GRIP1: variants seen among roughly 807,000 people sequenced by gnomAD.
The protein encoded by GRIP1 is glutamate receptor-interacting protein 1.
A neutral mutation model predicts 129.9 loss-of-function variants in GRIP1; 45 were observed. The observed-to-expected ratio is 0.35, with a 90% CI of 0.27 to 0.44. GRIP1 has a LOEUF of 0.44. GRIP1 is among the 20% of genes least tolerant of loss of function. GRIP1 has a pLI of 1.00. For missense variants in GRIP1, 1,196 were observed against 1,396.8 expected, an observed-to-expected ratio of 0.86 and a Z score of 2.29; for synonymous variants, 530 against 520.8, an observed-to-expected ratio of 1.02 and a Z score of -0.24.
At chr12:66,529,783 C>A (rs754856081) in intron 5 of GRIP1, 48 bp downstream of exon 5, 2 of 1,004,970 alleles carry the variant, frequency 2.0e-6, no homozygotes, top group Middle Eastern at 2.0e-4. Flanking sequence ...TCTCTGAAAA[C>A]CTATGGAAAT....
At chr12:66,564,778 T>C (rs934815082) in intron 2 of GRIP1, among the ~76,000 whole-genome samples, 1 of 152,208 alleles carries the variant, frequency 6.6e-6, no homozygotes, top group African/African-American at 2.4e-5. Context: ...CCACATCCTC[T>C]CCAGCACCTG....
rs1409904147 is a variant in GRIP1 at position 66,462,952 on chromosome 12, G to C, written c.1014C>G (p.Thr338=). The change falls in exon 9 of 25, where the codon ACC becomes ACG. Residue 338 remains threonine, a synonymous_variant. Coordinates refer to ENST00000359742, the MANE Select transcript of GRIP1 (RefSeq NM_001366722.1). ...VKLEILPHHQ[T]RLALKGPDHV... ...GGTCGGGCCCCTTTAGGGCCAGCCGGGTCTGATGATGGGGAAGGATCTCAA... is the reference window on the plus strand; with the variant it reads ...GGTCGGGCCCCTTTAGGGCCAGCCGCGTCTGATGATGGGGAAGGATCTCAA... 2 of 1,613,904 alleles carry C rather than the reference G, an allele frequency of 1.2e-6. No homozygotes were observed. The highest frequency in any genetic ancestry group is 1.3e-5 in the African/African-American group (1 of 74,930).
chr12:67,040,631 T>C (rs2043163070), intron 1 of GRIP1, among the ~76,000 whole-genome samples: 1 of 152,194 alleles, frequency 6.6e-6, no homozygotes, highest in African/African-American at 2.4e-5. Flanking sequence ...TGACCTTGAG[T>C]GGGTAACAAA....
In GRIP1 at chr12:66,415,089, C is replaced by T. The variant is rs187982004; in HGVS notation, c.1838+5631G>A. On this transcript the variant is annotated intron_variant, in intron 15 of 24. Transcript: ENST00000359742. ...ATAGGCACAGGCAAAGATTTCATGA[C>T]GAAAATGCCAAAGGAAAATGGCAAC... 6.0e-3 allele frequency among the ~76,000 whole-genome samples: 909 copies of T among 151,876 alleles called. 5 individuals are homozygous for T. Among genetic ancestry groups the T allele is most frequent in the Non-Finnish European group, 0.01 (699 of 67,942 alleles).
At chr12:66,377,638 CT>C (rs3045282) in intron 20 of GRIP1, among the ~76,000 whole-genome samples, 45,944 of 124,466 alleles carry the variant, frequency 0.37, 7,490 homozygotes, top group East Asian at 0.47. Context: ...CGCACCCGGC[CT>C]TTTTTTTTTT....
intron 7 of GRIP1, among the ~76,000 whole-genome samples, chr12:66,495,708 TA>T (rs575734285): frequency 7.2e-5 from 11 of 152,176 alleles, no homozygotes; most frequent in Middle Eastern, 3.4e-3. Flanking sequence ...GCTCCTGCTC[TA>T]ATTTTGTTTG....
intron 1 of GRIP1, among the ~76,000 whole-genome samples, chr12:66,786,084 C>CA (rs1188694707): frequency 6.6e-6 from 1 of 151,586 alleles, no homozygotes; most frequent in African/African-American, 2.4e-5. Flanking sequence ...TCCTGTCACA[C>CA]AAAAAAATAA....
At chr12:67,023,699 C>T (rs1157149887) in intron 1 of GRIP1, among the ~76,000 whole-genome samples, 1 of 152,000 alleles carries the variant, frequency 6.6e-6, no homozygotes, top group Non-Finnish European at 1.5e-5. Context: ...ATAGATTAAG[C>T]AGTGGAATCC....
At chr12:66,825,480 G>A (rs1227241851) in intron 1 of GRIP1, among the ~76,000 whole-genome samples, 1 of 152,168 alleles carries the variant, frequency 6.6e-6, no homozygotes, top group Non-Finnish European at 1.5e-5. Context: ...GGATTAGTAA[G>A]TATAAAATCT....
Position 66,703,263 on chromosome 12 carries a change from T to C in GRIP1, c.-419-72927A>G, listed in dbSNP as rs538419300. ...GTGTGCATGCACGCACATGTGCACA[T>C]GCAGCAGGGAGAGTGGAATTAAGGT... On this transcript the variant is annotated intron_variant, in intron 1 of 4. Coordinates refer to the GRIP1 transcript ENST00000538373. Among the ~76,000 whole-genome samples the C allele has an allele frequency of 9.0e-4, 137 of 152,280 alleles. 1 individual carries two copies. Among genetic ancestry groups the C allele is most frequent in the Non-Finnish European group, 1.2e-3 (85 of 68,028 alleles).
chr12:66,408,818 G>A lies in GRIP1; in HGVS notation c.1839-2390C>T, dbSNP rs185570040. Among the ~76,000 whole-genome samples the A allele has an allele frequency of 2.8e-4, 43 of 152,152 alleles. No homozygotes were observed. The South Asian group carries it at 4.8e-3, about 17-fold the overall frequency. Reference sequence around the variant, plus strand: ...CCCATCGCCTTGAAAGAAGAGTCCCGGCCCTGGCAGCATTCGCCACAAGCT... The same window carrying A: ...CCCATCGCCTTGAAAGAAGAGTCCCAGCCCTGGCAGCATTCGCCACAAGCT... On this transcript the variant is annotated intron_variant, in intron 15 of 24. Coordinates refer to ENST00000359742, the MANE Select transcript of GRIP1 (RefSeq NM_001366722.1).
intron 1 of GRIP1, among the ~76,000 whole-genome samples, chr12:66,690,371 TACAC>T (rs112206335): frequency 7.5e-4 from 111 of 147,884 alleles, no homozygotes; most frequent in African/African-American, 2.5e-3. Context: ...TCAATAATAT[TACAC>T]ACACACACAC....
intron 6 of GRIP1, among the ~76,000 whole-genome samples, chr12:66,516,513 C>T (rs2060848543): frequency 6.6e-6 from 1 of 152,118 alleles, no homozygotes. Context: ...AAATGTTTCA[C>T]CTAGTTCACT....
At chr12:66,908,517 T>C (rs1163330970) in intron 1 of GRIP1, among the ~76,000 whole-genome samples, 3 of 152,160 alleles carry the variant, frequency 2.0e-5, no homozygotes, top group Non-Finnish European at 4.4e-5. Context: ...TTCAGAATGG[T>C]AATGGGGTAG....
At chr12:66,873,349 T>TGTTCC (rs2040329022) in intron 1 of GRIP1, among the ~76,000 whole-genome samples, 1 of 152,106 alleles carries the variant, frequency 6.6e-6, no homozygotes, top group Admixed American at 6.6e-5. Context: ...TGAGAGATAC[T>TGTTCC]GTTCCATCCA....
intron 1 of GRIP1, among the ~76,000 whole-genome samples, chr12:66,766,927 C>T (rs1454474885): frequency 6.6e-6 from 1 of 152,122 alleles, no homozygotes; most frequent in Non-Finnish European, 1.5e-5. Flanking sequence ...AGAGAATGAA[C>T]AAATGGATAA....
intron 2 of GRIP1, among the ~76,000 whole-genome samples, chr12:66,588,826 G>A (rs1013517088): frequency 1.3e-5 from 2 of 149,676 alleles, no homozygotes; most frequent in African/African-American, 4.9e-5. Context: ...AAAATTAGCT[G>A]GGCATGGTGG....
rs984259674 is a variant in GRIP1 at position 66,932,786 on chromosome 12, A to G, written c.58+136264T>C. On this transcript the variant is annotated intron_variant, in intron 1 of 1. Transcript: ENST00000643019. ...TGGGTTCAAGCGATTCTCCTGCCTCAGCCTCCCAAGTAACTAGGACTGCAG... is the reference window on the plus strand; with the variant it reads ...TGGGTTCAAGCGATTCTCCTGCCTCGGCCTCCCAAGTAACTAGGACTGCAG... Among the ~76,000 whole-genome samples, 5 of 152,028 alleles carry G rather than the reference A, an allele frequency of 3.3e-5. No homozygotes were observed. In the East Asian group the frequency reaches 9.7e-4, roughly 29 times the overall value.
chr12:66,805,370 T>C (rs1456271810), upstream of GRIP1, among the ~76,000 whole-genome samples: 2 of 151,244 alleles, frequency 1.3e-5, no homozygotes, highest in East Asian at 3.9e-4. Flanking sequence ...GAGGTCAGCA[T>C]TAATCATGAA....
Sources: gnomAD v4.1 joint callset for allele counts (sites outside exome capture counted in the v4.1 genomes callset) on GRCh38, gnomAD v4.1.1 for gene constraint, MANE v1.5 for transcripts, NCBI Gene and HGNC (gene_info 2026-07-23, HGNC 2026-07-21) for gene names.